ACSS2: variants seen among roughly 807,000 people sequenced by gnomAD.
ACSS2 encodes the protein acetyl-coenzyme A synthetase, cytoplasmic.
Under a neutral mutation model 90.6 loss-of-function variants are expected in ACSS2, and 58 were observed. The observed-to-expected ratio is 0.64, with a 90% confidence interval of 0.52 to 0.80. The LOEUF (loss-of-function observed/expected upper bound fraction) is 0.80, where lower values mean the gene tolerates loss of function less well. Among genes scored for constraint, ACSS2 ranks in the 30% least tolerant of loss-of-function variants. ACSS2 has a pLI of 0.00. For synonymous variants in ACSS2, 300 were observed against 330.9 expected (o/e 0.91, Z 1.01); for missense variants, 759 against 912.0 (o/e 0.83, Z 2.16).
At chr20:34,926,037 T>C in intron 15 of ACSS2, 68 bp from the exon 16 acceptor site, 1 of 1,548,386 alleles carries the variant, frequency 6.5e-7, no homozygotes, top group Admixed American at 1.7e-5. Flanking sequence ...GCCCCATGGG[T>C]ACAGATGGAG....
intron 2 of ACSS2, among the ~76,000 whole-genome samples, chr20:34,907,125 G>GTT (rs796340668): frequency 2.8e-5 from 4 of 143,586 alleles, no homozygotes; most frequent in African/African-American, 7.6e-5. Flanking sequence ...AACAGAATGT[G>GTT]TTTTTTTTTT....
At chr20:34,882,350 G>A (rs1269946256) in intron 1 of ACSS2, among the ~76,000 whole-genome samples, 22 of 152,264 alleles carry the variant, frequency 1.4e-4, no homozygotes, top group Admixed American at 3.3e-4. Context: ...CTGGCCGGGC[G>A]CGGTGGCTCA....
chr20:34,919,388 G>T, intron 7 of ACSS2, 47 bp from the exon 8 acceptor site: 3 of 1,609,856 alleles, frequency 1.9e-6, no homozygotes, highest in Non-Finnish European at 1.7e-6. Context: ...GGTGTATCTT[G>T]TCCCCATCTT....
chr20:34,914,462 T>A, intron 7 of ACSS2, 25 bp downstream of exon 7: 1 of 1,563,420 alleles, frequency 6.4e-7, no homozygotes, highest in Non-Finnish European at 8.7e-7. Context: ...GCTATGCCTT[T>A]CTCCAGGCTC....
rs2081174061 is a variant in ACSS2, at chr20:34,920,554, G to A, written c.988G>A (p.Val330Ile). 1.2e-6 allele frequency: 2 copies of A among 1,614,092 alleles called. No individual in the cohort carries two copies. Among genetic ancestry groups the A allele is most frequent in the Non-Finnish European group, 1.7e-6 (2 of 1,180,004 alleles). Residue 330 changes from valine to isoleucine, a missense_variant, in exon 9 of 18, where the codon GTT becomes ATT. Transcript: ENST00000360596. Reference sequence around the variant, plus strand: ...CTTCCCACAGGGTGTGGTTCACACAGTTGGGGGCTACATGCTCTATGTAGC... The same window carrying A: ...CTTCCCACAGGGTGTGGTTCACACAATTGGGGGCTACATGCTCTATGTAGC... ...TGKPKGVVHT[V>I]GGYMLYVATT... is the part of the protein sequence containing the mutation.
At chr20:34,916,966 G>A (rs1193686347) in intron 7 of ACSS2, among the ~76,000 whole-genome samples, 1 of 152,160 alleles carries the variant, frequency 6.6e-6, no homozygotes, top group Non-Finnish European at 1.5e-5. Context: ...GGGCCTCATA[G>A]GCACACACCT....
chr20:34,892,024 C>A (rs114572653), intron 2 of ACSS2, among the ~76,000 whole-genome samples: 160 of 152,282 alleles, frequency 1.1e-3, no homozygotes, highest in African/African-American at 3.7e-3. Context: ...TAGTTAATGC[C>A]CTTTTCTAAG....
upstream of ACSS2, chr20:34,875,058 G>A (rs759710382): frequency 5.6e-6 from 3 of 534,704 alleles, no homozygotes; most frequent in Non-Finnish European, 1.2e-5. Flanking sequence ...CTTGGAGTTA[G>A]ATATTTAAGA....
chr20:34,875,068 A>G, upstream of ACSS2: 1 of 534,644 alleles, frequency 1.9e-6, no homozygotes, highest in South Asian at 1.4e-5. Flanking sequence ...GATATTTAAG[A>G]ATCCTTCCTG....
chr20:34,903,898 G>A (rs984877110), intron 2 of ACSS2, among the ~76,000 whole-genome samples: 3 of 151,432 alleles, frequency 2.0e-5, no homozygotes, highest in South Asian at 4.2e-4. Context: ...AAAAAGTTGG[G>A]GGGTAGCACC....
At chr20:34,877,595 A>G (rs1488260962) in intron 1 of ACSS2, among the ~76,000 whole-genome samples, 1 of 151,992 alleles carries the variant, frequency 6.6e-6, no homozygotes, top group Admixed American at 6.6e-5. Context: ...AGGCGGGCGG[A>G]TCACTTGAGG....
intron 1 of ACSS2, among the ~76,000 whole-genome samples, chr20:34,877,837 A>T (rs7509557): frequency 0.5 from 65,322 of 130,586 alleles, 16,652 homozygotes; most frequent in South Asian, 0.69. Context: ...AAAAAAAAAA[A>T]AAAAAAAAAA....
In ACSS2 at chr20:34,925,759, T is replaced by C. The variant is rs1393185349; in HGVS notation, c.1719T>C (p.Asn573=). The change falls in exon 15 of 18, where the codon AAT becomes AAC. Residue 573 remains asparagine, a synonymous_variant. Coordinates refer to ENST00000360596, the MANE Select transcript of ACSS2 (RefSeq NM_018677.4). ...CTGGCAGGATTGATGACATGCTCAA[T>C]GTATCTGGTGAGGGCCAGGGGCCAC... ...WITGRIDDML[N]VSGHLLSTAE... is the part of the protein sequence containing the mutation. 3.1e-6 allele frequency: 5 copies of C among 1,613,178 alleles called. No individual in the cohort carries two copies. Among genetic ancestry groups the C allele is most frequent in the African/African-American group, 2.7e-5 (2 of 75,040 alleles).
At chr20:34,923,473 A>G (rs2081246719) in intron 14 of ACSS2, 42 bp downstream of exon 14, 3 of 1,400,646 alleles carry the variant, frequency 2.1e-6, no homozygotes, top group Non-Finnish European at 3.0e-6. Flanking sequence ...CCACTAAGAC[A>G]TGTACCTTCC....
chr20:34,915,103 G>C (rs969542983), intron 7 of ACSS2: 3 of 1,117,728 alleles, frequency 2.7e-6, no homozygotes, highest in African/African-American at 3.1e-5. Context: ...GAAAATGGAA[G>C]CTGGGAGGAC....
upstream of ACSS2, chr20:34,876,538 C>T: frequency 1.6e-6 from 2 of 1,254,270 alleles, no homozygotes; most frequent in Non-Finnish European, 2.0e-6. Context: ...CCCCCACTCA[C>T]CAGGCCCCGC....
intron 7 of ACSS2, 37 bp downstream of exon 7, chr20:34,914,474 A>C: frequency 6.5e-7 from 1 of 1,541,584 alleles, no homozygotes; most frequent in Non-Finnish European, 8.8e-7. Flanking sequence ...TCCAGGCTCA[A>C]ATTCCTTCAC....
intron 2 of ACSS2, among the ~76,000 whole-genome samples, chr20:34,886,165 T>C (rs1258493681): frequency 6.6e-6 from 1 of 152,296 alleles, no homozygotes; most frequent in Non-Finnish European, 1.5e-5. Context: ...CTACGATAGA[T>C]AAGAATTTAG....
At chr20:34,899,176 G>A (rs1414425839) in intron 2 of ACSS2, among the ~76,000 whole-genome samples, 1 of 152,126 alleles carries the variant, frequency 6.6e-6, no homozygotes, top group South Asian at 2.1e-4. Flanking sequence ...GTTCCCGCTC[G>A]GGCCTCTCCC....
Sources: gnomAD v4.1 joint callset for allele counts (sites outside exome capture counted in the v4.1 genomes callset) on GRCh38, gnomAD v4.1.1 for gene constraint, MANE v1.5 for transcripts, NCBI Gene and HGNC (gene_info 2026-07-23, HGNC 2026-07-21) for gene names.